The following PURA variants were observed in gnomAD, a reference collection of about 807,000 sequenced individuals.
PURA encodes the protein purine rich element binding protein A, also known as transcriptional activator protein Pur-alpha.
Under a neutral mutation model 23.1 loss-of-function variants are expected in PURA, and 2 were observed. The ratio of observed to expected loss-of-function variants is 0.09; its 90% CI spans 0.04 to 0.27. PURA has a LOEUF of 0.27. PURA is among the 10% of genes least tolerant of loss of function. The probability of loss-of-function intolerance (pLI) is 1.00; values close to 1 mark genes in which losing one functional copy is unlikely to be tolerated. For missense variants in PURA, 187 were observed against 449.7 expected (o/e 0.42, Z 5.28); for synonymous variants, 254 against 205.9 (o/e 1.23, Z -2.00).
At position 140,125,058 on chromosome 5, in the gene PURA, C is replaced by T. The variant is rs942538240; in HGVS notation, c.*9908C>T. 1 of 167,030 alleles carries T rather than the reference C, an allele frequency of 6.0e-6. No homozygotes were observed. Among genetic ancestry groups the T allele is most frequent in the East Asian group, 1.9e-4 (1 of 5,174 alleles). 10.3% of individuals were successfully genotyped at this position (167,030 alleles called of 1,614,324 possible). A position where few individuals can be genotyped will look rare whatever the true frequency, so the allele number is the denominator to read the frequency against. On this transcript the variant is annotated 3_prime_UTR_variant, in exon 1 of 1. Transcript: ENST00000331327. ...TATAAAATGAATTACGGGTATCCCTCTAAGTCCCTATAACCCTTTTTGGGG... is the reference window on the plus strand; with the variant it reads ...TATAAAATGAATTACGGGTATCCCTTTAAGTCCCTATAACCCTTTTTGGGG...
At position 140,117,734 on chromosome 5, in the gene PURA, G is replaced by A. The variant is rs1482005447; in HGVS notation, c.*2584G>A. 6.0e-6 allele frequency: 1 copy of A among 165,484 alleles called. No individual in the cohort carries two copies. The highest frequency in any genetic ancestry group is 6.5e-5 in the Admixed American group (1 of 15,278). 10.3% of individuals were successfully genotyped at this position (165,484 alleles called of 1,614,324 possible). On this transcript the variant is annotated 3_prime_UTR_variant, in exon 1 of 1. Transcript: ENST00000331327. ...GCTTGGAATCCCACCGGCTCAAGAA[G>A]CACATGTATTGTGCAATTAATTGTC...
rs750397204 is a variant in PURA, at chr5:140,114,295, GGGCGGCGGCGGCAGTGGCGGCGGCGGC to G, written c.120_146del (p.Gly41_Gly49del). ...CCGGCGGGGGCGGTGGTGGCGGCGGGGGCGGCGGCGGCAGTGGCGGCGGCGGCGGCGGGGCCCCAGGGGGGCTGCAGC... is the reference window on the plus strand; with the variant it reads ...CCGGCGGGGGCGGTGGTGGCGGCGGGGGCGGGGCCCCAGGGGGGCTGCAGC... On this transcript the variant is annotated inframe_deletion, in exon 1 of 1. Transcript: ENST00000331327. 3 of 1,254,662 alleles carry G rather than the reference GGGCGGCGGCGGCAGTGGCGGCGGCGGC, an allele frequency of 2.4e-6. No individual in the cohort carries two copies. The highest frequency in any genetic ancestry group is 3.2e-5 in the East Asian group (1 of 30,976). The allele number at this position is 1,254,662 out of a possible 1,614,324, so 77.7% of individuals were successfully genotyped here.
At position 140,114,308 on chromosome 5, in the gene PURA, A is replaced by G. The variant is rs1335796595; in HGVS notation, c.127A>G (p.Ser43Gly). The change falls in exon 1 of 1, where the codon AGT (serine) becomes GGT (glycine). Residue 43 changes from serine (S) to glycine (G), a missense_variant. By Grantham distance (56) the Ser-to-Gly change is moderately conservative. This residue lies in a region of PURA where 27 missense variants were observed against 55.2 expected (regional missense o/e 0.49). Transcript: ENST00000331327. ...TGGTGGCGGCGGGGGCGGCGGCGGC[A>G]GTGGCGGCGGCGGCGGCGGGGCCCC... is the stretch of plus-strand genomic sequence containing the variant. ...GGGGGGGGGG[S>G]GGGGGGAPGG... 19 of 1,288,324 alleles carry G rather than the reference A, an allele frequency of 1.5e-5. No individual in the cohort carries two copies. The highest frequency in any genetic ancestry group is 6.1e-5 in the East Asian group (2 of 32,650). 79.8% of individuals were successfully genotyped at this position (1,288,324 alleles called of 1,614,324 possible).
rs1763179742 is a variant in PURA, at chr5:140,124,061, C to T, written c.*8911C>T. 6.0e-6 allele frequency: 1 copy of T among 166,776 alleles called. No individual in the cohort carries two copies. The highest frequency in any genetic ancestry group is 2.1e-4 in the South Asian group (1 of 4,810). The allele number at this position is 166,776 out of a possible 1,614,324, so 10.3% of individuals were successfully genotyped here. A position where few individuals can be genotyped will look rare whatever the true frequency, so the allele number is the denominator to read the frequency against. The stretch of plus-strand genomic sequence containing the variant: ...TTAACCAGATGCGGTCTTATGACCT[C>T]AAAGATGTGCTCTAGAAAGAAAATA... On this transcript the variant is annotated 3_prime_UTR_variant, in exon 1 of 1. Transcript: ENST00000331327.
rs1015102599 is a variant in PURA, at chr5:140,124,486, CAT to C, written c.*9338_*9339del. ...TTTGAAATGAGAAAGTCCTTTATAACATAGTGTGAATGTTTGTGGCCAATTCA... is the reference window on the plus strand; with the variant it reads ...TTTGAAATGAGAAAGTCCTTTATAACAGTGTGAATGTTTGTGGCCAATTCA... On this transcript the variant is annotated 3_prime_UTR_variant, in exon 1 of 1. Coordinates refer to ENST00000331327, the MANE Select transcript of PURA (RefSeq NM_005859.5). The C allele has an allele frequency of 6.0e-6, 1 of 166,764 alleles. No individual in the cohort carries two copies. The highest frequency in any genetic ancestry group is 1.5e-5 in the Non-Finnish European group (1 of 68,084). 10.3% of individuals were successfully genotyped at this position (166,764 alleles called of 1,614,324 possible).
In PURA at chr5:140,118,035, AGTGTTTT is replaced by A. The variant is rs1246870334; in HGVS notation, c.*2886_*2892del. ...GTACTTTACCTAGTTTCTATATATC[AGTGTTTT>A]ATGTTGGAATTTTTCCTTGTTTTTA... On this transcript the variant is annotated 3_prime_UTR_variant, in exon 1 of 1. Transcript: ENST00000331327. 6.0e-6 allele frequency: 1 copy of A among 166,874 alleles called. No homozygotes were observed. Among genetic ancestry groups the A allele is most frequent in the Non-Finnish European group, 1.5e-5 (1 of 68,056 alleles). The allele number at this position is 166,874 out of a possible 1,614,324, so 10.3% of individuals were successfully genotyped here. A position where few individuals can be genotyped will look rare whatever the true frequency, so the allele number is the denominator to read the frequency against.
chr5:140,114,466 C>T lies in PURA; in HGVS notation c.285C>T (p.Gly95=). The T allele has an allele frequency of 3.1e-6, 5 of 1,612,604 alleles. No individual in the cohort carries two copies. The highest frequency in any genetic ancestry group is 4.2e-6 in the Non-Finnish European group (5 of 1,179,658). ...FLKIAEVGAG[G]NKSRLTLSMS... ...AGATCGCCGAGGTGGGCGCGGGCGG[C>T]AACAAGAGCCGCCTTACTCTCTCCA... Residue 95 remains glycine, a synonymous_variant, in exon 1 of 1, where the codon GGC becomes GGT. Coordinates refer to ENST00000331327, the MANE Select transcript of PURA (RefSeq NM_005859.5).
In PURA at chr5:140,121,497, C is replaced by T. The variant is rs1763152868; in HGVS notation, c.*6347C>T. ...TTGGTGGTGGTACTTGACCTACCTC[C>T]TTACCATGTACATCTGGCATCTTCT... is the stretch of plus-strand genomic sequence containing the variant. On this transcript the variant is annotated 3_prime_UTR_variant, in exon 1 of 1. Transcript: ENST00000331327. The T allele has an allele frequency of 1.2e-5, 2 of 166,952 alleles. No individual in the cohort carries two copies. Among genetic ancestry groups the T allele is most frequent in the African/African-American group, 4.8e-5 (2 of 41,524 alleles). 10.3% of individuals were successfully genotyped at this position (166,952 alleles called of 1,614,324 possible). A position where few individuals can be genotyped will look rare whatever the true frequency, so the allele number is the denominator to read the frequency against.
rs1224906871 is a variant in PURA, at chr5:140,123,360, G to A, written c.*8210G>A. ...TTTATAAAGTTGTCAATGTGTAAAA[G>A]TGCAAAAGCAGGAAAGACTAAAGTT... is the stretch of plus-strand genomic sequence containing the variant. On this transcript the variant is annotated 3_prime_UTR_variant, in exon 1 of 1. Transcript: ENST00000331327. 6.0e-6 allele frequency: 1 copy of A among 166,926 alleles called. No individual in the cohort carries two copies. Among genetic ancestry groups the A allele is most frequent in the Non-Finnish European group, 1.5e-5 (1 of 68,044 alleles). 10.3% of individuals were successfully genotyped at this position (166,926 alleles called of 1,614,324 possible). A position where few individuals can be genotyped will look rare whatever the true frequency, so the allele number is the denominator to read the frequency against.
chr5:140,114,886 G>A lies in PURA; in HGVS notation c.705G>A (p.Val235=), dbSNP rs1362659842. The A allele has an allele frequency of 6.2e-7, 1 of 1,614,232 alleles. No individual in the cohort carries two copies. The highest frequency in any genetic ancestry group is 1.7e-5 in the Admixed American group (1 of 60,034). Residue 235 remains valine (V), a synonymous_variant, in exon 1 of 1, where the codon GTG becomes GTA. Coordinates refer to ENST00000331327, the MANE Select transcript of PURA (RefSeq NM_005859.5). ...TVDNKRFFFD[V]GSNKYGVFMR... The stretch of plus-strand genomic sequence containing the variant: ...ACAACAAGCGCTTCTTCTTCGATGT[G>A]GGCTCCAACAAGTACGGCGTGTTTA...
rs555063924 is a variant in PURA, at chr5:140,124,285, A to G, written c.*9135A>G. The G allele has an allele frequency of 3.0e-5, 5 of 167,062 alleles. No homozygotes were observed. Among genetic ancestry groups the G allele is most frequent in the African/African-American group, 1.2e-4 (5 of 41,516 alleles). 10.3% of individuals were successfully genotyped at this position (167,062 alleles called of 1,614,324 possible). ...TCCCATAGCTTTGTACACACCTCAT[A>G]CTTAAAACCAAGTGAGAGGCCTCTT... On this transcript the variant is annotated 3_prime_UTR_variant, in exon 1 of 1. Coordinates refer to ENST00000331327, the MANE Select transcript of PURA (RefSeq NM_005859.5).
In PURA at chr5:140,125,339, ATG is replaced by A. The variant is rs1389511153; in HGVS notation, c.*10192_*10193del. On this transcript the variant is annotated 3_prime_UTR_variant, in exon 1 of 1. Coordinates refer to ENST00000331327, the MANE Select transcript of PURA (RefSeq NM_005859.5). ...TTAGATGGTGGCCCCTACTAGCAAA[ATG>A]TGACATTGCAACCAGCTTCGTTAGA... The A allele has an allele frequency of 6.0e-6, 1 of 167,060 alleles. No individual in the cohort carries two copies. The highest frequency in any genetic ancestry group is 2.4e-5 in the African/African-American group (1 of 41,452). The allele number at this position is 167,060 out of a possible 1,614,324, so 10.3% of individuals were successfully genotyped here.
chr5:140,123,140 A>G lies in PURA; in HGVS notation c.*7990A>G, dbSNP rs1223330742. ...TTTTAAATTATAATAGTTATATACT[A>G]TAACTCATTTAAGTCAATGCAAAGC... On this transcript the variant is annotated 3_prime_UTR_variant, in exon 1 of 1. Coordinates refer to ENST00000331327, the MANE Select transcript of PURA (RefSeq NM_005859.5). The G allele has an allele frequency of 6.0e-6, 1 of 166,922 alleles. No individual in the cohort carries two copies. The highest frequency in any genetic ancestry group is 6.6e-5 in the Admixed American group (1 of 15,264). 10.3% of individuals were successfully genotyped at this position (166,922 alleles called of 1,614,324 possible). A position where few individuals can be genotyped will look rare whatever the true frequency, so the allele number is the denominator to read the frequency against.
rs370416375 is a variant in PURA, at chr5:140,122,203, A to G, written c.*7053A>G. 18 of 167,032 alleles carry G rather than the reference A, an allele frequency of 1.1e-4. No homozygotes were observed. Among genetic ancestry groups the G allele is most frequent in the African/African-American group, 2.6e-4 (11 of 41,564 alleles). 10.3% of individuals were successfully genotyped at this position (167,032 alleles called of 1,614,324 possible). A position where few individuals can be genotyped will look rare whatever the true frequency, so the allele number is the denominator to read the frequency against. ...AATGACAGCTTTTCTGGTCAAGGCA[A>G]GTGGATGCTGGGGAGTTATTATTTT... On this transcript the variant is annotated 3_prime_UTR_variant, in exon 1 of 1. Transcript: ENST00000331327.
In PURA at chr5:140,125,184, G is replaced by T. The variant is rs536321208; in HGVS notation, c.*10034G>T. 1.4e-4 allele frequency: 23 copies of T among 166,840 alleles called. No homozygotes were observed. The highest frequency in any genetic ancestry group is 2.0e-4 in the Admixed American group (3 of 15,276). The allele number at this position is 166,840 out of a possible 1,614,324, so 10.3% of individuals were successfully genotyped here. A position where few individuals can be genotyped will look rare whatever the true frequency, so the allele number is the denominator to read the frequency against. ...GATAATTTTGCATACAACTTCAGGG[G>T]CATCACACATCTTCTGAAACCCAAG... On this transcript the variant is annotated 3_prime_UTR_variant, in exon 1 of 1. Transcript: ENST00000331327.
In PURA at chr5:140,123,575, TTTC is replaced by T. The variant is rs1010651003; in HGVS notation, c.*8428_*8430del. 1 of 166,434 alleles carries T rather than the reference TTTC, an allele frequency of 6.0e-6. No individual in the cohort carries two copies. Among genetic ancestry groups the T allele is most frequent in the African/African-American group, 2.4e-5 (1 of 41,454 alleles). The allele number at this position is 166,434 out of a possible 1,614,324, so 10.3% of individuals were successfully genotyped here. A position where few individuals can be genotyped will look rare whatever the true frequency, so the allele number is the denominator to read the frequency against. Reference sequence around the variant, plus strand: ...AATATTTTATAAGGCCAAGAAAATATTTCTTAATGTTAGCTGTATAAAACAAAA... The same window carrying T: ...AATATTTTATAAGGCCAAGAAAATATTTAATGTTAGCTGTATAAAACAAAA... On this transcript the variant is annotated 3_prime_UTR_variant, in exon 1 of 1. Coordinates refer to ENST00000331327, the MANE Select transcript of PURA (RefSeq NM_005859.5).
Position 140,119,162 on chromosome 5 carries a change from T to C in PURA, c.*4012T>C, listed in dbSNP as rs1162643409. 1.8e-5 allele frequency: 3 copies of C among 166,900 alleles called. No individual in the cohort carries two copies. Among genetic ancestry groups the C allele is most frequent in the Non-Finnish European group, 4.4e-5 (3 of 68,006 alleles). The allele number at this position is 166,900 out of a possible 1,614,324, so 10.3% of individuals were successfully genotyped here. ...TGCTAACAGAAAGATATAATTTAGC[T>C]ACCTATTCTAAAAATGGTGAATATT... is the stretch of plus-strand genomic sequence containing the variant. On this transcript the variant is annotated 3_prime_UTR_variant, in exon 1 of 1. Coordinates refer to ENST00000331327, the MANE Select transcript of PURA (RefSeq NM_005859.5).
rs958216623 is a variant in PURA, at chr5:140,117,181, T to A, written c.*2031T>A. On this transcript the variant is annotated 3_prime_UTR_variant, in exon 1 of 1. Transcript: ENST00000331327. Reference sequence around the variant, plus strand: ...TGCTTTTAATATTCAATGTTAAATATGAGGTGACCGTACAGTAGTTAGGAG... The same window carrying A: ...TGCTTTTAATATTCAATGTTAAATAAGAGGTGACCGTACAGTAGTTAGGAG... The A allele has an allele frequency of 1.8e-5, 3 of 167,090 alleles. No individual in the cohort carries two copies. The highest frequency in any genetic ancestry group is 7.2e-5 in the African/African-American group (3 of 41,470). The allele number at this position is 167,090 out of a possible 1,614,324, so 10.4% of individuals were successfully genotyped here. A position where few individuals can be genotyped will look rare whatever the true frequency, so the allele number is the denominator to read the frequency against.
rs1051219901 is a variant in PURA, at chr5:140,118,799, C to T, written c.*3649C>T. The T allele has an allele frequency of 4.2e-5, 7 of 166,774 alleles. No homozygotes were observed. Among genetic ancestry groups the T allele is most frequent in the African/African-American group, 1.2e-4 (5 of 41,398 alleles). The allele number at this position is 166,774 out of a possible 1,614,324, so 10.3% of individuals were successfully genotyped here. On this transcript the variant is annotated 3_prime_UTR_variant, in exon 1 of 1. Coordinates refer to ENST00000331327, the MANE Select transcript of PURA (RefSeq NM_005859.5). Reference sequence around the variant, plus strand: ...GCAGGGGTTGAAATTTGATTCCAAGCGGAAAGTATATTATGTTTTTTCAGG... The same window carrying T: ...GCAGGGGTTGAAATTTGATTCCAAGTGGAAAGTATATTATGTTTTTTCAGG...
Sources: gnomAD v4.1 joint callset for allele counts on GRCh38, gnomAD v4.1.1 for gene constraint, gnomAD v4.1.1 regional missense constraint, MANE v1.5 for transcripts, NCBI Gene and HGNC (gene_info 2026-07-23, HGNC 2026-07-21) for gene names.